The following GLRA2 variants were observed in gnomAD, a reference collection of about 807,000 sequenced individuals.
The protein encoded by GLRA2 is glycine receptor subunit alpha-2.
Under a neutral mutation model 31.6 loss-of-function variants are expected in GLRA2, and 11 were observed. That is an observed-to-expected ratio of 0.35 (90% CI 0.22 to 0.58). GLRA2 has a LOEUF of 0.58. Among genes scored for constraint, GLRA2 ranks in the 20% least tolerant of loss-of-function variants. The pLI is 0.84. For synonymous variants in GLRA2, 132 were observed against 134.0 expected (o/e 0.99, Z 0.10); for missense variants, 212 against 351.8 (o/e 0.60, Z 3.18).
At chrX:14,521,859 TA>T in the GLRA2 span, among the ~76,000 whole-genome samples, 1 of 112,298 alleles carries the variant, frequency 8.9e-6, no homozygotes. Flanking sequence ...ACATTATTGC[TA>T]AAAAATGCTA....
At chrX:14,502,883 C>CAAAA in the GLRA2 span, among the ~76,000 whole-genome samples, 1 of 42,121 alleles carries the variant, frequency 2.4e-5, no homozygotes, top group Non-Finnish European at 4.1e-5. Flanking sequence ...CACAAAAATG[C>CAAAA]AAAAAAAAAA....
At chrX:14,622,882 G>A (rs1455494177) in intron 7 of GLRA2, among the ~76,000 whole-genome samples, 2 of 111,879 alleles carry the variant, frequency 1.8e-5, no homozygotes, top group Non-Finnish European at 3.8e-5. Flanking sequence ...CCAATTCTGT[G>A]AAGAAAGTCA....
chrX:14,682,020 T>A (rs1374069022), intron 7 of GLRA2, among the ~76,000 whole-genome samples: 1 of 100,601 alleles, frequency 9.9e-6, no homozygotes, highest in African/African-American at 3.6e-5. Context: ...TGTATATATA[T>A]AAATATATAT....
intron 4 of GLRA2, among the ~76,000 whole-genome samples, chrX:14,598,352 T>C (rs774413710): frequency 8.9e-6 from 1 of 112,632 alleles, no homozygotes; most frequent in South Asian, 3.7e-4. Context: ...CTCAAGAGTT[T>C]CATTGGGAAT....
the GLRA2 span, among the ~76,000 whole-genome samples, chrX:14,504,867 C>A: frequency 9.0e-6 from 1 of 111,561 alleles, no homozygotes; most frequent in Non-Finnish European, 1.9e-5. Context: ...GTTTTTCAAG[C>A]CTGTTGGCAG....
At chrX:14,700,940 A>G (rs1208334775) in intron 8 of GLRA2, among the ~76,000 whole-genome samples, 1 of 110,122 alleles carries the variant, frequency 9.1e-6, no homozygotes. Flanking sequence ...GCCACTAGCC[A>G]TACCCAGTAG....
intron 7 of GLRA2, among the ~76,000 whole-genome samples, chrX:14,665,217 C>T (rs2091027284): frequency 9.0e-6 from 1 of 111,658 alleles, no homozygotes; most frequent in Non-Finnish European, 1.9e-5. Context: ...CTGACTCTAT[C>T]AACTTAATTT....
intron 7 of GLRA2, among the ~76,000 whole-genome samples, chrX:14,640,312 C>T (rs2090759257): frequency 9.0e-6 from 1 of 111,159 alleles, no homozygotes; most frequent in Non-Finnish European, 1.9e-5. Context: ...AACGTAATCA[C>T]TCAGCAAATA....
chrX:14,659,305 C>A (rs1336369436), intron 7 of GLRA2, among the ~76,000 whole-genome samples: 1 of 111,404 alleles, frequency 9.0e-6, no homozygotes, highest in Non-Finnish European at 1.9e-5. Flanking sequence ...TCTAGAAGAC[C>A]CTCATAGCAC....
At chrX:14,580,377 C>A (rs2090003417) in intron 3 of GLRA2, among the ~76,000 whole-genome samples, 2 of 111,917 alleles carry the variant, frequency 1.8e-5, no homozygotes, top group Non-Finnish European at 3.8e-5. Flanking sequence ...CAATCGGAGT[C>A]CAGATTATCA....
At chrX:14,599,255 A>C (rs1488279517) in intron 4 of GLRA2, among the ~76,000 whole-genome samples, 1 of 112,467 alleles carries the variant, frequency 8.9e-6, no homozygotes, top group Non-Finnish European at 1.9e-5. Context: ...AACAAAAATC[A>C]AAAGGAAGAG....
the GLRA2 span, among the ~76,000 whole-genome samples, chrX:14,460,185 C>T: frequency 2.7e-5 from 3 of 111,483 alleles, no homozygotes; most frequent in Admixed American, 9.5e-5. Flanking sequence ...TTTTGATTTG[C>T]GTATGTTGTA....
the GLRA2 span, among the ~76,000 whole-genome samples, chrX:14,469,529 G>C: frequency 9.3e-6 from 1 of 107,948 alleles, no homozygotes; most frequent in Non-Finnish European, 1.9e-5. Context: ...AAAAGGATGA[G>C]TTCATGTCCT....
intron 2 of GLRA2, among the ~76,000 whole-genome samples, chrX:14,565,682 A>G (rs2089795843): frequency 1.8e-5 from 2 of 111,717 alleles, no homozygotes; most frequent in African/African-American, 6.5e-5. Flanking sequence ...ATGAAGCTAA[A>G]ATCAATAACA....
At chrX:14,615,871 CTTGA>C (rs1264116925) in intron 7 of GLRA2, among the ~76,000 whole-genome samples, 1 of 111,574 alleles carries the variant, frequency 9.0e-6, no homozygotes, top group Admixed American at 9.5e-5. Flanking sequence ...TGTTTTTGTT[CTTGA>C]TTTTTTGTTT....
intron 7 of GLRA2, among the ~76,000 whole-genome samples, chrX:14,614,573 A>G (rs1268307670): frequency 8.9e-6 from 1 of 112,009 alleles, no homozygotes; most frequent in Non-Finnish European, 1.9e-5. Context: ...TTGCTAAATG[A>G]TAGAAATGCA....
At chrX:14,573,401 G>A (rs2089911449) in intron 2 of GLRA2, among the ~76,000 whole-genome samples, 1 of 111,983 alleles carries the variant, frequency 8.9e-6, no homozygotes, top group Non-Finnish European at 1.9e-5. Flanking sequence ...GGTGTTTCTT[G>A]CACTGGGCTG....
intron 3 of GLRA2, chrX:14,574,666 T>G (rs750854354): frequency 1.7e-6 from 1 of 578,644 alleles, no homozygotes; most frequent in Non-Finnish European, 3.0e-6. Context: ...ATTTCCAACT[T>G]TGCTCGCCTC....
At chrX:14,534,785 A>T (rs1415353829) in intron 2 of GLRA2, among the ~76,000 whole-genome samples, 1 of 110,440 alleles carries the variant, frequency 9.1e-6, no homozygotes, top group Non-Finnish European at 1.9e-5. Context: ...GTAGAATGTG[A>T]GGGTGGTAAC....
Sources: allele counts gnomAD v4.1 joint callset (sites outside exome capture counted in the v4.1 genomes callset), GRCh38; gene constraint gnomAD v4.1.1; transcripts MANE v1.5; gene names NCBI Gene and HGNC (gene_info 2026-07-23, HGNC 2026-07-21).